The following EYS variants were observed in gnomAD, a reference collection of about 807,000 sequenced individuals.
The protein encoded by EYS is protein eyes shut homolog.
A neutral mutation model predicts 282.1 loss-of-function variants in EYS; 250 were observed. The ratio of observed to expected loss-of-function variants is 0.89; its 90% CI spans 0.80 to 0.98. The LOEUF (loss-of-function observed/expected upper bound fraction) is 0.98, where lower values mean the gene tolerates loss of function less well. EYS is among the 50% of genes least tolerant of loss of function. The pLI is 0.00. For synonymous variants in EYS, 1,355 were observed against 1,282.9 expected (o/e 1.06, Z -1.20); for missense variants, 4,016 against 3,709.0 (o/e 1.08, Z -2.15).
intron 37 of EYS, among the ~76,000 whole-genome samples, chr6:63,794,776 A>G (rs1201675676): frequency 2.0e-5 from 3 of 152,218 alleles, no homozygotes; most frequent in African/African-American, 7.2e-5. Context: ...ATGTTTAGCA[A>G]TTGACATGGT....
Position 65,083,839 on chromosome 6 carries a change from A to T in EYS, c.2024-26112T>A, listed in dbSNP as rs1036924937. Among the ~76,000 whole-genome samples the T allele has an allele frequency of 2.8e-4, 42 of 151,730 alleles. No homozygotes were observed. In the East Asian group the frequency reaches 6.8e-3, roughly 24 times the overall value. The stretch of plus-strand genomic sequence containing the variant: ...TGTATAATATATGATACTATATTTG[A>T]TTTTCCTAGTATTAATCTGAAGGTG... On this transcript the variant is annotated intron_variant, in intron 12 of 42. Coordinates refer to ENST00000503581, the MANE Select transcript of EYS (RefSeq NM_001142800.2).
chr6:65,565,950 G>C (rs1013073681), intron 2 of EYS, among the ~76,000 whole-genome samples: 1 of 152,026 alleles, frequency 6.6e-6, no homozygotes, highest in Non-Finnish European at 1.5e-5. Flanking sequence ...GCCTGTTGTG[G>C]GGTGGGGGGC....
intron 12 of EYS, among the ~76,000 whole-genome samples, chr6:65,144,477 A>G (rs368430164): frequency 6.6e-6 from 1 of 152,076 alleles, no homozygotes; most frequent in Admixed American, 6.6e-5. Flanking sequence ...GAGAAAACGA[A>G]TTTGGTTAAA....
Position 64,274,252 on chromosome 6 carries a change from T to C in EYS, c.6191+32718A>G, listed in dbSNP as rs148331338. ...GTGCAGTAGTGTGATCTCAGCTCACTGCAACCTGTGTCTCCTGGGTCAAGC... is the reference window on the plus strand; with the variant it reads ...GTGCAGTAGTGTGATCTCAGCTCACCGCAACCTGTGTCTCCTGGGTCAAGC... On this transcript the variant is annotated intron_variant, in intron 30 of 42. Transcript: ENST00000503581. Among the ~76,000 whole-genome samples, 1,359 of 152,294 alleles carry C rather than the reference T, an allele frequency of 8.9e-3. 19 individuals are homozygous for C. The highest frequency in any genetic ancestry group is 0.03 in the African/African-American group (1,262 of 41,558).
intron 30 of EYS, among the ~76,000 whole-genome samples, chr6:64,240,712 C>T (rs533707625): frequency 1.3e-5 from 2 of 152,280 alleles, no homozygotes; most frequent in African/African-American, 4.8e-5. Context: ...GACAATTTGG[C>T]TTCCTCTTTT....
intron 33 of EYS, among the ~76,000 whole-genome samples, chr6:64,021,109 T>G (rs902931415): frequency 6.6e-6 from 1 of 152,074 alleles, no homozygotes; most frequent in African/African-American, 2.4e-5. Context: ...TCACTTTGTC[T>G]ATTTCTCATC....
intron 12 of EYS, among the ~76,000 whole-genome samples, chr6:65,095,573 A>G (rs889890677): frequency 6.6e-6 from 1 of 151,238 alleles, no homozygotes; most frequent in African/African-American, 2.4e-5. Flanking sequence ...TTACTTATCA[A>G]TAAAGTATAT....
intron 26 of EYS, among the ~76,000 whole-genome samples, chr6:64,476,401 ACTTCCAGATT>A (rs2150496015): frequency 6.6e-6 from 1 of 152,166 alleles, no homozygotes; most frequent in Non-Finnish European, 1.5e-5. Context: ...CTGTTTCTCC[ACTTCCAGATT>A]TAGAGAGCAT....
In EYS at chr6:64,686,468, G is replaced by A. The variant is rs566572798; in HGVS notation, c.3444-60223C>T. ...TTAAAATGATTATAATAGGGTGAGC[G>A]CGGTGGCTCACGCGTGTTATCCCAG... is the stretch of plus-strand genomic sequence containing the variant. On this transcript the variant is annotated intron_variant, in intron 22 of 42. Transcript: ENST00000503581. Among the ~76,000 whole-genome samples the A allele has an allele frequency of 2.0e-4, 31 of 151,544 alleles. No homozygotes were observed. In the South Asian group the frequency reaches 2.3e-3, roughly 11 times the overall value.
intron 22 of EYS, among the ~76,000 whole-genome samples, chr6:64,707,663 CAAAAAAAAA>C (rs59172308): frequency 6.9e-5 from 7 of 101,006 alleles, no homozygotes; most frequent in Non-Finnish European, 1.5e-4. Context: ...AGACTCGTAT[CAAAAAAAAA>C]AAAAAAAAAA....
chr6:63,775,449 T>C (rs543815717), intron 40 of EYS, among the ~76,000 whole-genome samples: 30 of 152,360 alleles, frequency 2.0e-4, no homozygotes, highest in Non-Finnish European at 4.0e-4. Flanking sequence ...TGCTTCTGTG[T>C]TGGTACTTGC....
intron 36 of EYS, among the ~76,000 whole-genome samples, chr6:63,832,857 G>C (rs1771685155): frequency 6.6e-6 from 1 of 152,160 alleles, no homozygotes; most frequent in African/African-American, 2.4e-5. Context: ...ACATCAAAAA[G>C]CTTATCCACC....
chr6:64,757,725 ATTTTTTTTCT>A lies in EYS; in HGVS notation c.3443+55643_3443+55652del, dbSNP rs146265074. On this transcript the variant is annotated intron_variant, in intron 22 of 42. Transcript: ENST00000503581. The stretch of plus-strand genomic sequence containing the variant: ...GCACAGCTACATCTACAAAAGATTA[ATTTTTTTTCT>A]TTTTTTCTTTGTGTGTGTGTGTGTG... Among the ~76,000 whole-genome samples, 1,282 of 131,252 alleles carry A rather than the reference ATTTTTTTTCT, an allele frequency of 9.8e-3. 3 individuals carry two copies. The highest frequency in any genetic ancestry group is 0.016 in the East Asian group (68 of 4,340). The allele number at this position is 131,252 out of a possible 152,430, so 86.1% of individuals were successfully genotyped here. A position where few individuals can be genotyped will look rare whatever the true frequency, so the allele number is the denominator to read the frequency against.
At chr6:65,420,895 A>G (rs1767431283) in intron 5 of EYS, among the ~76,000 whole-genome samples, 1 of 151,756 alleles carries the variant, frequency 6.6e-6, no homozygotes, top group African/African-American at 2.4e-5. Context: ...CCTGAGCAGC[A>G]GGTCACAATG....
chr6:65,470,793 G>C (rs1207932161), intron 5 of EYS, among the ~76,000 whole-genome samples: 1 of 152,144 alleles, frequency 6.6e-6, no homozygotes, highest in African/African-American at 2.4e-5. Flanking sequence ...GTGATACCAA[G>C]AAGAGAAATT....
intron 41 of EYS, among the ~76,000 whole-genome samples, chr6:63,745,429 C>T (rs1024538429): frequency 1.3e-5 from 2 of 152,302 alleles, no homozygotes; most frequent in Admixed American, 6.5e-5. Context: ...AGGCTTCAAA[C>T]GAACATGGCC....
At chr6:65,116,457 G>T (rs1408586022) in intron 12 of EYS, among the ~76,000 whole-genome samples, 1 of 152,028 alleles carries the variant, frequency 6.6e-6, no homozygotes. Flanking sequence ...GCTATAAGTG[G>T]ATCACTTAAA....
Position 64,146,580 on chromosome 6 carries a change from A to G in EYS, c.6425-64578T>C, listed in dbSNP as rs115239051. Among the ~76,000 whole-genome samples the G allele has an allele frequency of 2.9e-3, 446 of 152,260 alleles. 3 individuals are homozygous for G. Among genetic ancestry groups the G allele is most frequent in the African/African-American group, 0.01 (426 of 41,562 alleles). On this transcript the variant is annotated intron_variant, in intron 31 of 42. Coordinates refer to ENST00000503581, the MANE Select transcript of EYS (RefSeq NM_001142800.2). Reference sequence around the variant, plus strand: ...TGGGTATGCCATTGAGGATTCTTCTATGGGGAATGCAGGCTTGGGTCCACC... The same window carrying G: ...TGGGTATGCCATTGAGGATTCTTCTGTGGGGAATGCAGGCTTGGGTCCACC...
chr6:65,474,544 A>G (rs1298260943), intron 5 of EYS, among the ~76,000 whole-genome samples: 1 of 152,086 alleles, frequency 6.6e-6, no homozygotes, highest in Non-Finnish European at 1.5e-5. Flanking sequence ...GGAATTTAGC[A>G]CCATGTATAA....
Sources: gnomAD v4.1 joint callset for allele counts (sites outside exome capture counted in the v4.1 genomes callset) on GRCh38, gnomAD v4.1.1 for gene constraint, MANE v1.5 for transcripts, NCBI Gene and HGNC (gene_info 2026-07-23, HGNC 2026-07-21) for gene names.